Variants in KLF8 observed in about 807,000 individuals in gnomAD.
The protein encoded by KLF8 is Krueppel-like factor 8.
Under a neutral mutation model 18.2 loss-of-function variants are expected in KLF8, and 10 were observed. That is an observed-to-expected ratio of 0.55 (90% CI 0.34 to 0.93). The LOEUF is 0.93. KLF8 is among the 40% of genes least tolerant of loss of function. KLF8 has a pLI of 0.02. For missense variants in KLF8, 264 were observed against 277.9 expected (o/e 0.95, Z 0.36); for synonymous variants, 109 against 97.3 (o/e 1.12, Z -0.71).
chrX:56,066,481 G>A, the KLF8 span, among the ~76,000 whole-genome samples: 1 of 112,064 alleles, frequency 8.9e-6, no homozygotes, highest in Non-Finnish European at 1.9e-5. Context: ...TGCTCAGGAG[G>A]GTGAGGTTGC....
At chrX:56,251,415 T>C (rs963013278) in intron 2 of KLF8, among the ~76,000 whole-genome samples, 4 of 112,373 alleles carry the variant, frequency 3.6e-5, no homozygotes, top group African/African-American at 1.3e-4. Flanking sequence ...CTTTTTGTTA[T>C]AATTTCAACT....
chrX:56,228,033 T>TG (rs1569170610), upstream of KLF8, among the ~76,000 whole-genome samples: 1 of 111,821 alleles, frequency 8.9e-6, no homozygotes, highest in Non-Finnish European at 1.9e-5. Context: ...TTTCAAACCC[T>TG]GGCCACATGT....
chrX:56,282,128 G>A (rs2067209532), intron 5 of KLF8, among the ~76,000 whole-genome samples: 1 of 112,396 alleles, frequency 8.9e-6, no homozygotes, highest in African/African-American at 3.2e-5. Context: ...AGAACAAAAA[G>A]TGAAAATTTA....
the KLF8 span, among the ~76,000 whole-genome samples, chrX:56,211,747 G>A: frequency 3.6e-5 from 4 of 111,639 alleles, no homozygotes; most frequent in African/African-American, 1.3e-4. Flanking sequence ...ACCACAAGAT[G>A]CAGTCCTTCC....
the KLF8 span, among the ~76,000 whole-genome samples, chrX:56,019,476 G>A: frequency 8.9e-6 from 1 of 112,505 alleles, no homozygotes; most frequent in Non-Finnish European, 1.9e-5. Context: ...TTAACATTCA[G>A]TTGATGTATT....
chrX:56,022,551 C>CAAAAAAAAAAAAAAAAA, the KLF8 span, among the ~76,000 whole-genome samples: 1 of 27,310 alleles, frequency 3.7e-5, no homozygotes, highest in African/African-American at 1.0e-4. Flanking sequence ...TCTGTCTGAC[C>CAAAAAAAAAAAAAAAAA]AAAAAAAAAA....
the KLF8 span, among the ~76,000 whole-genome samples, chrX:56,221,838 C>T: frequency 6.3e-5 from 7 of 111,558 alleles, no homozygotes; most frequent in Admixed American, 2.8e-4. Flanking sequence ...GGAAGGGGAC[C>T]GGAGGGGGTT....
intron 2 of KLF8, among the ~76,000 whole-genome samples, chrX:56,254,845 T>A (rs930543579): frequency 2.7e-5 from 3 of 111,054 alleles, no homozygotes; most frequent in Non-Finnish European, 5.7e-5. Context: ...GGGCACAGGA[T>A]AGGGGGCAGG....
At chrX:56,098,954 G>A in the KLF8 span, among the ~76,000 whole-genome samples, 1 of 111,730 alleles carries the variant, frequency 9.0e-6, no homozygotes, top group Non-Finnish European at 1.9e-5. Context: ...TATCTAAAAA[G>A]GAAATTAATA....
chrX:55,948,645 A>T, the KLF8 span, among the ~76,000 whole-genome samples: 1 of 111,479 alleles, frequency 9.0e-6, no homozygotes, highest in African/African-American at 3.3e-5. Context: ...GTTCTACCCC[A>T]TAGCATTTAA....
the KLF8 span, among the ~76,000 whole-genome samples, chrX:56,162,990 A>G: frequency 2.1e-3 from 239 of 111,944 alleles, no homozygotes; most frequent in Non-Finnish European, 3.0e-3. Flanking sequence ...TATCCATTCT[A>G]TCATTTTGCG....
chrX:55,930,485 G>A, the KLF8 span, among the ~76,000 whole-genome samples: 2 of 112,100 alleles, frequency 1.8e-5, no homozygotes, highest in Admixed American at 1.9e-4. Context: ...AATGCTTTCA[G>A]CCTTCGCCCA....
chrX:56,062,878 T>A, the KLF8 span, among the ~76,000 whole-genome samples: 13 of 111,097 alleles, frequency 1.2e-4, no homozygotes, highest in Admixed American at 9.6e-4. Flanking sequence ...ATTCTTTTTT[T>A]TCTAATCTTG....
rs145719980 is a variant in KLF8, at chrX:56,278,978, C to T, written c.899-5335C>T. Among the ~76,000 whole-genome samples, 666 of 111,472 alleles carry T rather than the reference C, an allele frequency of 6.0e-3. 9 individuals carry two copies. The highest frequency in any genetic ancestry group is 9.2e-3 in the Middle Eastern group (2 of 218). The stretch of plus-strand genomic sequence containing the variant: ...AATGCAGTGTCTCACAAGTGCTGTA[C>T]TATCCCTGTCTGAAGCACACAGATT... On this transcript the variant is annotated intron_variant, in intron 5 of 5. Coordinates refer to ENST00000468660, the MANE Select transcript of KLF8 (RefSeq NM_007250.5).
the KLF8 span, among the ~76,000 whole-genome samples, chrX:55,944,931 A>C: frequency 5.0e-3 from 549 of 110,216 alleles, 10 homozygotes; most frequent in Admixed American, 0.048. Flanking sequence ...TTAGGGTGTC[A>C]ATTTTGGATC....
chrX:56,172,967 T>G, the KLF8 span, among the ~76,000 whole-genome samples: 1 of 112,030 alleles, frequency 8.9e-6, no homozygotes, highest in Non-Finnish European at 1.9e-5. Context: ...TCTTATAAAT[T>G]TGTTTGAGTT....
the KLF8 span, among the ~76,000 whole-genome samples, chrX:56,206,136 A>C: frequency 2.4e-4 from 27 of 111,325 alleles, no homozygotes; most frequent in African/African-American, 7.8e-4. Context: ...TGATTCAATT[A>C]TCTCCACCTA....
chrX:56,007,352 T>A, the KLF8 span, among the ~76,000 whole-genome samples: 2 of 110,115 alleles, frequency 1.8e-5, no homozygotes, highest in African/African-American at 3.3e-5. Context: ...GGTCCCAGAG[T>A]TGTATGTGGA....
chrX:56,035,781 C>T, the KLF8 span, among the ~76,000 whole-genome samples: 1 of 111,509 alleles, frequency 9.0e-6, no homozygotes, highest in African/African-American at 3.3e-5. Flanking sequence ...AATGTCTGTT[C>T]AGATTGTTCA....
Sources: allele counts gnomAD v4.1 joint callset (sites outside exome capture counted in the v4.1 genomes callset), GRCh38; gene constraint gnomAD v4.1.1; transcripts MANE v1.5; gene names NCBI Gene and HGNC (gene_info 2026-07-23, HGNC 2026-07-21).